ATXN7: variants seen among roughly 807,000 people sequenced by gnomAD.
ATXN7 encodes ataxin-7.
In ATXN7, 12 loss-of-function variants were observed where a neutral mutation model predicts 70.5. The ratio of observed to expected loss-of-function variants is 0.17; its 90% CI spans 0.11 to 0.28. The LOEUF (loss-of-function observed/expected upper bound fraction) is 0.28. ATXN7 is among the 10% of genes least tolerant of loss of function. ATXN7 has a pLI of 1.00. For synonymous variants in ATXN7, 498 were observed against 448.7 expected, an observed-to-expected ratio of 1.11 and a Z score of -1.39; for missense variants, 1,256 against 1,131.7, an observed-to-expected ratio of 1.11 and a Z score of -1.58.
At chr3:63,906,238 G>A (rs1054178291) in intron 2 of ATXN7, among the ~76,000 whole-genome samples, 1 of 152,200 alleles carries the variant, frequency 6.6e-6, no homozygotes, top group Non-Finnish European at 1.5e-5. Flanking sequence ...CCTGGATCAC[G>A]GTGCAAAGAC....
chr3:63,912,709 G>GCAGCAGCCGCCGCCTCCGCAGCCC lies in ATXN7; in HGVS notation c.116_139dup (p.Gln39_Gln46dup). ...GGCAGCAGCAGCAGCAGCAGCAGCAGCAGCAGCCGCCGCCTCCGCAGCCCC... is the reference window on the plus strand; with the variant it reads ...GGCAGCAGCAGCAGCAGCAGCAGCAGCAGCAGCCGCCGCCTCCGCAGCCCCAGCAGCCGCCGCCTCCGCAGCCCC... On this transcript the variant is annotated inframe_insertion, in exon 3 of 13. Coordinates refer to ENST00000674280, the MANE Select transcript of ATXN7 (RefSeq NM_001377405.1). 6 of 1,205,712 alleles carry GCAGCAGCCGCCGCCTCCGCAGCCC rather than the reference G, an allele frequency of 5.0e-6. No individual in the cohort carries two copies. Among genetic ancestry groups the GCAGCAGCCGCCGCCTCCGCAGCCC allele is most frequent in the Non-Finnish European group, 6.2e-6 (6 of 961,294 alleles). 74.7% of individuals were successfully genotyped at this position (1,205,712 alleles called of 1,614,324 possible). A position where few individuals can be genotyped will look rare whatever the true frequency, so the allele number is the denominator to read the frequency against.
At chr3:63,869,434 GT>G (rs369506597) in intron 1 of ATXN7, among the ~76,000 whole-genome samples, 1 of 150,792 alleles carries the variant, frequency 6.6e-6, no homozygotes, top group Admixed American at 6.6e-5. Context: ...TTTTCTTTTT[GT>G]TTTTTTTTGA....
At chr3:63,863,675 C>T, upstream of ATXN7, 1 of 1,235,598 alleles carries the variant, frequency 8.1e-7, no homozygotes, top group Non-Finnish European at 1.0e-6. Flanking sequence ...GCCGGGGAGG[C>T]CGAGGGGTTC....
In ATXN7 at chr3:63,980,125, C is replaced by G. The variant is rs1007756022; in HGVS notation, c.710C>G (p.Pro237Arg). The part of the protein sequence containing the change: ...EKLQLRGNTR[P>R]MHPIQQSRVP... ...CTGCAGCTCAGGGGGAACACCAGGC[C>G]AATGCATCCCATTCAGCAAAGTAGA... Residue 237 changes from proline (P) to arginine (R), a missense_variant, in exon 6 of 13, where the codon CCA (proline) becomes CGA (arginine). Transcript: ENST00000674280. The G allele has an allele frequency of 6.2e-7, 1 of 1,614,018 alleles. No homozygotes were observed. Among genetic ancestry groups the G allele is most frequent in the Admixed American group, 1.7e-5 (1 of 60,000 alleles).
chr3:63,976,705 G>A (rs1378747339), intron 5 of ATXN7, among the ~76,000 whole-genome samples: 1 of 152,112 alleles, frequency 6.6e-6, no homozygotes, highest in Non-Finnish European at 1.5e-5. Context: ...TAAAGTTACA[G>A]TCAGTTCTGC....
chr3:63,959,716 A>G (rs1246544274), intron 5 of ATXN7, among the ~76,000 whole-genome samples: 1 of 152,144 alleles, frequency 6.6e-6, no homozygotes. Context: ...ATATCTTTAA[A>G]ATAAAGTTAT....
chr3:63,979,727 G>A (rs547945742), intron 5 of ATXN7, among the ~76,000 whole-genome samples, 188 bp from the exon 6 acceptor site: 6 of 152,224 alleles, frequency 3.9e-5, no homozygotes, highest in South Asian at 4.1e-4. Context: ...AGAAGGACCC[G>A]TTCCTAGAAT....
chr3:63,877,770 A>G (rs991486866), intron 1 of ATXN7, among the ~76,000 whole-genome samples: 1 of 152,244 alleles, frequency 6.6e-6, no homozygotes, highest in Non-Finnish European at 1.5e-5. Flanking sequence ...ATTCACAAAT[A>G]TAGTATCCTT....
At chr3:63,912,316 C>A (rs1424110543) in intron 2 of ATXN7, 1 of 152,452 alleles carries the variant, frequency 6.6e-6, no homozygotes, top group East Asian at 1.9e-4. Flanking sequence ...AGGCAGGGGA[C>A]CCAGCGCCGC....
At chr3:63,968,314 C>T (rs1272912241) in intron 5 of ATXN7, 1 of 238,978 alleles carries the variant, frequency 4.2e-6, no homozygotes, top group East Asian at 8.6e-5. Context: ...AGACGGGAGC[C>T]GAGTTTGTTA....
intron 1 of ATXN7, chr3:63,865,212 T>C (rs2107184738): frequency 1.3e-5 from 2 of 152,362 alleles, no homozygotes; most frequent in South Asian, 4.1e-4. Flanking sequence ...GAAGTGTGTT[T>C]AACCTCTAGC....
chr3:63,946,353 T>C (rs1275518981), intron 4 of ATXN7, among the ~76,000 whole-genome samples: 1 of 151,890 alleles, frequency 6.6e-6, no homozygotes, highest in African/African-American at 2.4e-5. Context: ...AAAGAAGGAA[T>C]TGTGGGCCAG....
At chr3:63,876,065 A>G (rs989309146) in intron 1 of ATXN7, among the ~76,000 whole-genome samples, 2 of 152,188 alleles carry the variant, frequency 1.3e-5, no homozygotes, top group East Asian at 1.9e-4. Context: ...GATAAGCACT[A>G]GTCAAAAAAC....
chr3:63,914,940 G>A (rs373963186), intron 4 of ATXN7, among the ~76,000 whole-genome samples: 7 of 152,198 alleles, frequency 4.6e-5, no homozygotes, highest in East Asian at 3.9e-4. Context: ...TTTTTGAGAC[G>A]GAGTCTCACT....
At chr3:63,981,595 A>G (rs1000672785) in intron 6 of ATXN7, among the ~76,000 whole-genome samples, 1 of 152,164 alleles carries the variant, frequency 6.6e-6, no homozygotes, top group African/African-American at 2.4e-5. Context: ...TCATAGAAAC[A>G]TTTTTCAAGG....
At chr3:63,916,928 T>C (rs540812398) in intron 4 of ATXN7, among the ~76,000 whole-genome samples, 1 of 152,306 alleles carries the variant, frequency 6.6e-6, no homozygotes, top group South Asian at 2.1e-4. Flanking sequence ...TTGTTATTGT[T>C]GTTGAGATGG....
intron 11 of ATXN7, among the ~76,000 whole-genome samples, chr3:63,993,275 AT>A (rs556994956): frequency 0.24 from 27,989 of 116,008 alleles, 2,719 homozygotes; most frequent in African/African-American, 0.4. Flanking sequence ...TTGTTGGTGT[AT>A]TTTTTTTTTT....
intron 8 of ATXN7, 37 bp downstream of exon 8, chr3:63,983,058 A>G: frequency 6.6e-7 from 1 of 1,524,840 alleles, no homozygotes; most frequent in South Asian, 1.1e-5. Flanking sequence ...GACCATCCTG[A>G]TAAACATGGG....
chr3:63,995,925 C>T lies in ATXN7; in HGVS notation c.2103C>T (p.Gly701=), dbSNP rs553462435. The change falls in exon 12 of 13, where the codon GGC becomes GGT. Residue 701 remains glycine (G), a synonymous_variant. Transcript: ENST00000674280. The stretch of plus-strand genomic sequence containing the variant: ...AAAATGCCAGTAGCAGTACCAGTGG[C>T]GGCTCAGGAAAGAAACGCAAAAACA... ...NCQNASSSTS[G]GSGKKRKNSS... is the part of the protein sequence containing the mutation. The T allele has an allele frequency of 6.8e-6, 11 of 1,614,164 alleles. No individual in the cohort carries two copies. The highest frequency in any genetic ancestry group is 4.5e-5 in the East Asian group (2 of 44,876).
Sources: allele counts gnomAD v4.1 joint callset (sites outside exome capture counted in the v4.1 genomes callset), GRCh38; gene constraint gnomAD v4.1.1; transcripts MANE v1.5; gene names NCBI Gene and HGNC (gene_info 2026-07-23, HGNC 2026-07-21).